Variants in COPG2 observed in about 807,000 individuals in gnomAD.
COPG2 encodes the protein coat protein complex I subunit gamma 2.
COPG2 carries 37 observed loss-of-function variants against 46.3 expected under a neutral mutation model. That is an observed-to-expected ratio of 0.80 (90% CI 0.61 to 1.05). The LOEUF is 1.05. Among genes scored for constraint, COPG2 ranks in the 50% least tolerant of loss-of-function variants. The pLI, the probability that COPG2 is intolerant of heterozygous loss-of-function variation, is 0.00. For synonymous variants in COPG2, 159 were observed against 129.7 expected (o/e 1.23, Z -1.53); for missense variants, 427 against 387.8 (o/e 1.10, Z -0.85).
intron 5 of COPG2, among the ~76,000 whole-genome samples, chr7:130,625,660 T>C (rs1329499298): frequency 2.6e-5 from 4 of 151,550 alleles, no homozygotes; most frequent in African/African-American, 9.8e-5. Flanking sequence ...TTTGCATATT[T>C]ATGCTTTCTC....
intron 1 of COPG2, 48 bp downstream of exon 1, chr7:130,668,583 GA>G: frequency 7.4e-6 from 11 of 1,477,840 alleles, no homozygotes; most frequent in Non-Finnish European, 9.9e-6. Context: ...GCGGGCGGGG[GA>G]AGGGGCGTCC....
At chr7:130,538,385 G>A (rs1799904654) in intron 20 of COPG2, among the ~76,000 whole-genome samples, 2 of 152,074 alleles carry the variant, frequency 1.3e-5, no homozygotes, top group South Asian at 2.1e-4. Flanking sequence ...AAGTTGTGGG[G>A]AGCTTAGTGT....
At chr7:130,610,734 G>A (rs1213889118) in intron 9 of COPG2, 2 of 649,926 alleles carry the variant, frequency 3.1e-6, no homozygotes, top group African/African-American at 3.7e-5. Flanking sequence ...ATATCAGTTT[G>A]TTAATGTGCT....
intron 5 of COPG2, among the ~76,000 whole-genome samples, chr7:130,630,266 A>G (rs969139474): frequency 3.9e-4 from 60 of 152,252 alleles, no homozygotes; most frequent in African/African-American, 1.3e-3. Context: ...TTTAGTCTAT[A>G]TATCTTATAC....
intron 20 of COPG2, among the ~76,000 whole-genome samples, chr7:130,536,195 G>A (rs1799877716): frequency 1.3e-5 from 2 of 152,142 alleles, no homozygotes; most frequent in African/African-American, 4.8e-5. Flanking sequence ...AAATGGGGCA[G>A]ACAATGAGGT....
chr7:130,526,638 C>G (rs1318579143), intron 20 of COPG2, among the ~76,000 whole-genome samples: 1 of 151,560 alleles, frequency 6.6e-6, no homozygotes, highest in Non-Finnish European at 1.5e-5. Flanking sequence ...GGGCAGGTCC[C>G]AGAGTAGGAA....
intron 9 of COPG2, chr7:130,603,752 G>A (rs375802453): frequency 3.5e-5 from 14 of 403,324 alleles, no homozygotes; most frequent in African/African-American, 1.7e-4. Flanking sequence ...AAAAATTTGC[G>A]GCAATTATGA....
chr7:130,660,924 C>T (rs955019297), intron 4 of COPG2, among the ~76,000 whole-genome samples: 2 of 152,188 alleles, frequency 1.3e-5, no homozygotes, highest in Admixed American at 6.5e-5. Context: ...ATTCCACAGT[C>T]GATGTTCCAA....
At chr7:130,579,960 C>T (rs1420696859) in intron 9 of COPG2, among the ~76,000 whole-genome samples, 13 of 151,286 alleles carry the variant, frequency 8.6e-5, no homozygotes, top group East Asian at 3.9e-4. Context: ...AACAAGGATA[C>T]CCAGGAATTG....
chr7:130,514,913 G>A (rs1799666972), intron 20 of COPG2, among the ~76,000 whole-genome samples: 1 of 152,160 alleles, frequency 6.6e-6, no homozygotes, highest in Admixed American at 6.5e-5. Context: ...TGGGTGTAAG[G>A]CCAGATTGCA....
intron 9 of COPG2, among the ~76,000 whole-genome samples, chr7:130,599,677 C>T (rs1331533989): frequency 1.3e-5 from 2 of 151,984 alleles, no homozygotes; most frequent in East Asian, 3.9e-4. Flanking sequence ...TAACATGATT[C>T]TATTGACAGA....
chr7:130,571,312 T>C (rs1441829775), intron 9 of COPG2, among the ~76,000 whole-genome samples: 1 of 152,114 alleles, frequency 6.6e-6, no homozygotes, highest in African/African-American at 2.4e-5. Flanking sequence ...AAAGGACTGA[T>C]ATCCAGAAAC....
Position 130,547,711 on chromosome 7 carries a change from G to A in COPG2, c.2112C>T (p.Tyr704=). Residue 704 remains tyrosine, a synonymous_variant, in exon 20 of 24, where the codon TAC becomes TAT. Transcript: ENST00000425248. ...SLPYNQPGIC[Y]TLVRLPDDDP... ...CATCATCAGGCAAACGAACAAGAGT[G>A]TAACATATTCCTGGTTGGTTATAAG... 2.5e-6 allele frequency: 1 copy of A among 398,606 alleles called. No individual in the cohort carries two copies. The highest frequency in any genetic ancestry group is 3.6e-5 in the East Asian group (1 of 28,080). 24.7% of individuals were successfully genotyped at this position (398,606 alleles called of 1,614,324 possible).
In COPG2 at chr7:130,610,658, G is replaced by A. The variant is rs782506219; in HGVS notation, c.737+295C>T. On this transcript the variant is annotated intron_variant, in intron 9 of 23. Transcript: ENST00000425248. ...TAAAAGGGATAGGATAATTCTTAAT[G>A]TCCCTGCCAACTTTCATATTTAATT... is the stretch of plus-strand genomic sequence containing the variant. 6 of 561,770 alleles carry A rather than the reference G, an allele frequency of 1.1e-5. No individual in the cohort carries two copies. In the East Asian group the frequency reaches 2.5e-4, roughly 23 times the overall value. 34.8% of individuals were successfully genotyped at this position (561,770 alleles called of 1,614,324 possible). A position where few individuals can be genotyped will look rare whatever the true frequency, so the allele number is the denominator to read the frequency against.
intron 6 of COPG2, among the ~76,000 whole-genome samples, chr7:130,616,456 G>A (rs566872505): frequency 6.6e-6 from 1 of 152,260 alleles, no homozygotes; most frequent in East Asian, 1.9e-4. Context: ...CAGGTGTGGT[G>A]GTGGGTGCCT....
At chr7:130,586,303 T>C (rs782549470) in intron 9 of COPG2, among the ~76,000 whole-genome samples, 1 of 151,954 alleles carries the variant, frequency 6.6e-6, no homozygotes, top group Non-Finnish European at 1.5e-5. Flanking sequence ...CAATGGACTT[T>C]TGGGACTTGG....
chr7:130,577,727 G>C (rs1794033399), intron 9 of COPG2, among the ~76,000 whole-genome samples: 1 of 142,724 alleles, frequency 7.0e-6, no homozygotes, highest in African/African-American at 2.7e-5. Context: ...CGCCACTGCA[G>C]TCCGCAGTCT....
intron 9 of COPG2, among the ~76,000 whole-genome samples, chr7:130,601,213 T>TTGG (rs1794626658): frequency 6.6e-6 from 1 of 152,202 alleles, no homozygotes; most frequent in African/African-American, 2.4e-5. Context: ...TTTTACACTG[T>TTGG]TGGGAGTGTA....
At chr7:130,609,693 T>A (rs888862112) in intron 9 of COPG2, among the ~76,000 whole-genome samples, 1 of 152,186 alleles carries the variant, frequency 6.6e-6, no homozygotes, top group Non-Finnish European at 1.5e-5. Flanking sequence ...TTATTTTCTT[T>A]TCTTATTTTT....
Sources: gnomAD v4.1 joint callset for allele counts (sites outside exome capture counted in the v4.1 genomes callset) on GRCh38, gnomAD v4.1.1 for gene constraint, MANE v1.5 for transcripts, NCBI Gene and HGNC (gene_info 2026-07-23, HGNC 2026-07-21) for gene names.